The following ASAP2 variants were observed in gnomAD, a reference collection of about 807,000 sequenced individuals.
ASAP2 encodes the protein ArfGAP with SH3 domain, ankyrin repeat and PH domain 2.
In ASAP2, 45 loss-of-function variants were observed where a neutral mutation model predicts 131.4. The ratio of observed to expected loss-of-function variants is 0.34; its 90% confidence interval spans 0.27 to 0.44. The LOEUF (loss-of-function observed/expected upper bound fraction) is 0.44, where lower values mean the gene tolerates loss of function less well. ASAP2 is among the 20% of genes least tolerant of loss of function. ASAP2 has a pLI of 1.00. For synonymous variants in ASAP2, 510 were observed against 503.0 expected (o/e 1.01, Z -0.19); for missense variants, 1,011 against 1,297.0 (o/e 0.78, Z 3.39).
intron 15 of ASAP2, among the ~76,000 whole-genome samples, chr2:9,360,582 C>T (rs1048515398): frequency 4.6e-5 from 7 of 152,176 alleles, no homozygotes; most frequent in Non-Finnish European, 8.8e-5. Context: ...TGGTTTGCAA[C>T]CTGCCTGTTC....
chr2:9,350,720 G>A, intron 11 of ASAP2, 88 bp from the exon 12 acceptor site: 1 of 1,098,622 alleles, frequency 9.1e-7, no homozygotes, highest in Non-Finnish European at 1.3e-6. Flanking sequence ...GCTTGCTGTT[G>A]CTGTATCTCG....
chr2:9,280,405 C>T (rs1667058281), intron 2 of ASAP2, among the ~76,000 whole-genome samples: 2 of 152,036 alleles, frequency 1.3e-5, no homozygotes, highest in African/African-American at 4.8e-5. Flanking sequence ...CCAGTTGCCG[C>T]TCTTGATTCT....
At chr2:9,297,702 G>T (rs933930119) in intron 3 of ASAP2, among the ~76,000 whole-genome samples, 12 of 152,302 alleles carry the variant, frequency 7.9e-5, no homozygotes, top group African/African-American at 2.9e-4. Context: ...AAATGCATTC[G>T]TCTTCTTAAG....
At chr2:9,343,752 T>C (rs1025458344) in intron 9 of ASAP2, among the ~76,000 whole-genome samples, 18 of 152,172 alleles carry the variant, frequency 1.2e-4, no homozygotes, top group African/African-American at 3.6e-4. Context: ...CAGCCTGATA[T>C]CATTTGTTAA....
intron 1 of ASAP2, among the ~76,000 whole-genome samples, chr2:9,215,751 C>A (rs1238377689): frequency 6.8e-6 from 1 of 147,982 alleles, no homozygotes; most frequent in African/African-American, 2.5e-5. Flanking sequence ...ATTATACTGT[C>A]CTTGCCATGA....
chr2:9,240,684 A>G (rs1663900671), intron 1 of ASAP2, among the ~76,000 whole-genome samples: 1 of 152,132 alleles, frequency 6.6e-6, no homozygotes, highest in East Asian at 1.9e-4. Context: ...TGAATAGAAG[A>G]CCCACTTTTC....
At chr2:9,247,819 G>A (rs912220389) in intron 1 of ASAP2, among the ~76,000 whole-genome samples, 4 of 152,082 alleles carry the variant, frequency 2.6e-5, no homozygotes, top group Admixed American at 1.3e-4. Context: ...CATGTGCCTC[G>A]GGTTTAAAAT....
chr2:9,230,730 T>C (rs1663100434), intron 1 of ASAP2, among the ~76,000 whole-genome samples: 1 of 152,214 alleles, frequency 6.6e-6, no homozygotes, highest in African/African-American at 2.4e-5. Flanking sequence ...TTGTTTCACC[T>C]TTTGAAGGAA....
chr2:9,279,244 C>G, intron 1 of ASAP2, 73 bp from the exon 2 acceptor site: 1 of 1,448,964 alleles, frequency 6.9e-7, no homozygotes. Flanking sequence ...CAGAGTGGCA[C>G]TCAACGTGGT....
intron 1 of ASAP2, among the ~76,000 whole-genome samples, chr2:9,220,904 T>C (rs1662366979): frequency 6.6e-6 from 1 of 152,204 alleles, no homozygotes; most frequent in South Asian, 2.1e-4. Flanking sequence ...CACCATTTCT[T>C]GGGAAGACTT....
At chr2:9,286,447 A>AAAAAAAAAAAATATATAT (rs58605449) in intron 2 of ASAP2, among the ~76,000 whole-genome samples, 4 of 148,416 alleles carry the variant, frequency 2.7e-5, no homozygotes, top group African/African-American at 1.0e-4. Context: ...GAAAAAAAAA[A>AAAAAAAAAAAATATATAT]ATATATATAT....
chr2:9,270,277 G>T (rs530026141), intron 1 of ASAP2, among the ~76,000 whole-genome samples: 1 of 152,082 alleles, frequency 6.6e-6, no homozygotes, highest in African/African-American at 2.4e-5. Flanking sequence ...CTTTTCCCCC[G>T]CTCTGAGCTG....
intron 24 of ASAP2, among the ~76,000 whole-genome samples, chr2:9,397,748 ATATTTTTTTTTT>A (rs1248366052): frequency 6.1e-5 from 4 of 65,748 alleles, no homozygotes; most frequent in African/African-American, 1.2e-4. Context: ...ATATATATAT[ATATTTTTTTTTT>A]TTTTTTTTTT....
chr2:9,362,821 G>C lies in ASAP2; in HGVS notation c.1461+3932G>C, dbSNP rs141649221. On this transcript the variant is annotated intron_variant, in intron 15 of 27. Coordinates refer to ENST00000281419, the MANE Select transcript of ASAP2 (RefSeq NM_003887.3). The stretch of plus-strand genomic sequence containing the variant: ...ATCTTGCCACTGCACTCCAGCCTGG[G>C]CAACAGAGTGAGACTGTCTCAAAAC... Among the ~76,000 whole-genome samples, 743 of 152,246 alleles carry C rather than the reference G, an allele frequency of 4.9e-3. 5 individuals carry two copies. Among genetic ancestry groups the C allele is most frequent in the African/African-American group, 0.017 (720 of 41,534 alleles).
chr2:9,331,454 A>G (rs984251960), intron 7 of ASAP2, among the ~76,000 whole-genome samples: 4 of 152,182 alleles, frequency 2.6e-5, no homozygotes, highest in African/African-American at 9.7e-5. Context: ...GTAGGGCATT[A>G]TAACATTATA....
chr2:9,375,025 C>T (rs958499451), intron 17 of ASAP2, 81 bp downstream of exon 17: 31 of 1,303,646 alleles, frequency 2.4e-5, no homozygotes, highest in Non-Finnish European at 2.9e-5. Flanking sequence ...CAGTACTTTA[C>T]TTCAGGAGGC....
intron 1 of ASAP2, among the ~76,000 whole-genome samples, chr2:9,261,196 C>T (rs757557489): frequency 1.1e-4 from 16 of 152,064 alleles, no homozygotes; most frequent in African/African-American, 3.9e-4. Context: ...GGGGTAATGC[C>T]GGGTGGTTAT....
At chr2:9,228,742 A>G (rs916817639) in intron 1 of ASAP2, among the ~76,000 whole-genome samples, 3 of 152,230 alleles carry the variant, frequency 2.0e-5, no homozygotes, top group African/African-American at 2.4e-5. Flanking sequence ...GGCATACCCA[A>G]ATGCAAATTA....
At chr2:9,229,689 A>C (rs1663019014) in intron 1 of ASAP2, among the ~76,000 whole-genome samples, 1 of 152,148 alleles carries the variant, frequency 6.6e-6, no homozygotes, top group South Asian at 2.1e-4. Flanking sequence ...AGAGCACTGG[A>C]GGGAATTGGT....
Sources: allele counts gnomAD v4.1 joint callset (sites outside exome capture counted in the v4.1 genomes callset), GRCh38; gene constraint gnomAD v4.1.1; transcripts MANE v1.5; gene names NCBI Gene and HGNC (gene_info 2026-07-23, HGNC 2026-07-21).